The following ZFYVE9 variants were observed in gnomAD, a reference collection of about 807,000 sequenced individuals.
The protein encoded by ZFYVE9 is zinc finger FYVE domain-containing protein 9.
ZFYVE9 carries 43 observed loss-of-function variants against 126.7 expected under a neutral mutation model. The ratio of observed to expected loss-of-function variants is 0.34; its 90% CI spans 0.27 to 0.44. The LOEUF (loss-of-function observed/expected upper bound fraction) is 0.44, where lower values mean the gene tolerates loss of function less well. ZFYVE9 is among the 20% of genes least tolerant of loss of function. The pLI, the probability that ZFYVE9 is intolerant of heterozygous loss-of-function variation, is 1.00. For synonymous variants in ZFYVE9, 521 were observed against 597.4 expected (o/e 0.87, Z 1.87); for missense variants, 1,476 against 1,697.0 (o/e 0.87, Z 2.29).
chr1:52,151,153 T>G (rs1644353257), intron 1 of ZFYVE9, among the ~76,000 whole-genome samples: 1 of 152,188 alleles, frequency 6.6e-6, no homozygotes, highest in African/African-American at 2.4e-5. Flanking sequence ...CATTCCTCCC[T>G]CCTGTTTTTG....
chr1:52,203,307 A>G (rs538739743), intron 1 of ZFYVE9, among the ~76,000 whole-genome samples: 9 of 151,934 alleles, frequency 5.9e-5, no homozygotes, highest in Admixed American at 2.6e-4. Flanking sequence ...TTAGGCTCCC[A>G]AGTAGCTGGG....
At chr1:52,260,219 G>T (rs1645565618) in intron 4 of ZFYVE9, among the ~76,000 whole-genome samples, 1 of 151,836 alleles carries the variant, frequency 6.6e-6, no homozygotes. Context: ...AAAAATCTTT[G>T]CTAGTCTCAT....
intron 4 of ZFYVE9, among the ~76,000 whole-genome samples, chr1:52,246,695 CT>C (rs1645388319): frequency 7.0e-6 from 1 of 142,704 alleles, no homozygotes; most frequent in African/African-American, 2.6e-5. Flanking sequence ...CCACGTGTAA[CT>C]AATTTTTTTT....
At chr1:52,249,998 C>T (rs1034947811) in intron 4 of ZFYVE9, among the ~76,000 whole-genome samples, 1 of 152,154 alleles carries the variant, frequency 6.6e-6, no homozygotes, top group Non-Finnish European at 1.5e-5. Flanking sequence ...GTCAGTACCA[C>T]ATGGTTTTGA....
intron 1 of ZFYVE9, among the ~76,000 whole-genome samples, chr1:52,185,269 A>C (rs1227049167): frequency 6.6e-6 from 1 of 152,224 alleles, no homozygotes; most frequent in Non-Finnish European, 1.5e-5. Context: ...GGGTTGGAAC[A>C]GATATTTTTA....
At chr1:52,208,402 A>G (rs965476895) in intron 1 of ZFYVE9, among the ~76,000 whole-genome samples, 1 of 152,178 alleles carries the variant, frequency 6.6e-6, no homozygotes, top group East Asian at 1.9e-4. Flanking sequence ...CTTTCTTTAA[A>G]GGTAAAATAT....
intron 1 of ZFYVE9, chr1:52,180,007 A>G: frequency 1.1e-6 from 1 of 879,408 alleles, no homozygotes; most frequent in Non-Finnish European, 1.9e-6. Flanking sequence ...GAGCTGGAGG[A>G]TCGTGAAGAC....
At chr1:52,307,620 C>T (rs1646096860) in intron 13 of ZFYVE9, among the ~76,000 whole-genome samples, 1 of 152,128 alleles carries the variant, frequency 6.6e-6, no homozygotes, top group African/African-American at 2.4e-5. Context: ...AACTCTGTTG[C>T]CTCCGTTTAT....
At chr1:52,282,418 T>G (rs959064979) in intron 10 of ZFYVE9, among the ~76,000 whole-genome samples, 1 of 152,198 alleles carries the variant, frequency 6.6e-6, no homozygotes, top group Non-Finnish European at 1.5e-5. Context: ...CCCTTTGATT[T>G]AACAAATGAG....
intron 4 of ZFYVE9, among the ~76,000 whole-genome samples, chr1:52,252,486 A>G (rs1645458964): frequency 6.6e-6 from 1 of 152,126 alleles, no homozygotes; most frequent in African/African-American, 2.4e-5. Flanking sequence ...CAGACTCCCA[A>G]GTAGCTGGGA....
At chr1:52,276,339 T>C (rs1645748590) in intron 8 of ZFYVE9, among the ~76,000 whole-genome samples, 1 of 152,246 alleles carries the variant, frequency 6.6e-6, no homozygotes, top group African/African-American at 2.4e-5. Context: ...TTACTTTTCA[T>C]TCTTCTGTAC....
At chr1:52,168,444 T>G (rs1313876904) in intron 1 of ZFYVE9, among the ~76,000 whole-genome samples, 1 of 151,892 alleles carries the variant, frequency 6.6e-6, no homozygotes, top group African/African-American at 2.4e-5. Flanking sequence ...CTCAAACTCC[T>G]GACCTCAGGT....
chr1:52,330,280 G>A (rs1182974029), intron 13 of ZFYVE9, among the ~76,000 whole-genome samples: 1 of 152,154 alleles, frequency 6.6e-6, no homozygotes, highest in Admixed American at 6.6e-5. Context: ...GGAGGCTGAG[G>A]CAGGAGAATC....
intron 18 of ZFYVE9, 64 bp downstream of exon 18, chr1:52,345,008 G>C (rs1415081527): frequency 6.4e-6 from 10 of 1,563,736 alleles, no homozygotes; most frequent in Middle Eastern, 3.4e-4. Flanking sequence ...TCTGACGTGA[G>C]TTTTTCTGCA....
At chr1:52,174,122 C>G (rs1267581918) in intron 1 of ZFYVE9, among the ~76,000 whole-genome samples, 1 of 152,132 alleles carries the variant, frequency 6.6e-6, no homozygotes, top group African/African-American at 2.4e-5. Flanking sequence ...ATCTTTCCTG[C>G]TTTGTCTTGT....
At chr1:52,341,223 A>G (rs2147877339) in intron 17 of ZFYVE9, among the ~76,000 whole-genome samples, 1 of 152,374 alleles carries the variant, frequency 6.6e-6, no homozygotes, top group South Asian at 2.1e-4. Context: ...TCCGTCTCCA[A>G]AAACAAACAA....
At chr1:52,302,081 T>G (rs969911278) in intron 12 of ZFYVE9, among the ~76,000 whole-genome samples, 3 of 152,226 alleles carry the variant, frequency 2.0e-5, no homozygotes, top group African/African-American at 7.2e-5. Flanking sequence ...ATATAATAAC[T>G]ATTGTAATGC....
intron 1 of ZFYVE9, among the ~76,000 whole-genome samples, chr1:52,205,827 T>C (rs879217951): frequency 1.3e-5 from 2 of 152,236 alleles, no homozygotes; most frequent in Non-Finnish European, 2.9e-5. Context: ...TTCACACAAT[T>C]TGTGGTATAC....
intron 8 of ZFYVE9, among the ~76,000 whole-genome samples, chr1:52,276,955 C>G (rs1645754206): frequency 6.6e-6 from 1 of 152,178 alleles, no homozygotes; most frequent in African/African-American, 2.4e-5. Context: ...CAAATGCTGT[C>G]TATATTGTAC....
Sources: gnomAD v4.1 joint callset for allele counts (sites outside exome capture counted in the v4.1 genomes callset) on GRCh38, gnomAD v4.1.1 for gene constraint, MANE v1.5 for transcripts, NCBI Gene and HGNC (gene_info 2026-07-23, HGNC 2026-07-21) for gene names.